Variants in GALNT13 observed in about 807,000 individuals in gnomAD.
GALNT13 encodes the protein UDP-GalNAc:polypeptide N-acetylgalactosaminyltransferase 13.
A neutral mutation model predicts 64.2 loss-of-function variants in GALNT13; 28 were observed. The observed-to-expected ratio is 0.44, with a 90% CI of 0.32 to 0.60. The LOEUF (loss-of-function observed/expected upper bound fraction) is 0.60, where lower values mean the gene tolerates loss of function less well. Ranked by LOEUF, GALNT13 falls within the 20% of genes least tolerant of loss-of-function variation. The pLI, the probability that GALNT13 is intolerant of heterozygous loss-of-function variation, is 0.05. For missense variants in GALNT13, 577 were observed against 669.8 expected, an observed-to-expected ratio of 0.86 and a Z score of 1.53; for synonymous variants, 214 against 224.6, an observed-to-expected ratio of 0.95 and a Z score of 0.42.
chr2:154,242,769 G>A lies in GALNT13; in HGVS notation c.550G>A (p.Glu184Lys), dbSNP rs1689564375. 1.2e-6 allele frequency: 2 copies of A among 1,614,002 alleles called. No homozygotes were observed. The highest frequency in any genetic ancestry group is 4.5e-5 in the East Asian group (2 of 44,862). ...GCCAGTAAAAATTATTAGGATGGAA[G>A]AACGCTCTGGGTTAATACGTGCCCG... ...EVPVKIIRME[E>K]RSGLIRARLR... is the part of the protein sequence containing the mutation. The change falls in exon 6 of 13, where the codon GAA becomes AAA. Residue 184 changes from glutamate (E) to lysine (K), a missense_variant. Glu to Lys is a moderately conservative substitution (Grantham distance 56). This residue lies in a region of GALNT13 where 341 missense variants were observed against 379.3 expected (regional missense o/e 0.90). Transcript: ENST00000392825.
At chr2:154,446,368 T>G (rs1413898265) in intron 12 of GALNT13, 1 of 390,802 alleles carries the variant, frequency 2.6e-6, no homozygotes, top group Non-Finnish European at 4.5e-6. Context: ...TTCTCAGTCT[T>G]ATCTTCATTT....
the GALNT13 span, among the ~76,000 whole-genome samples, chr2:153,821,054 A>G: frequency 2.0e-5 from 3 of 152,142 alleles, no homozygotes; most frequent in African/African-American, 4.8e-5. Context: ...ACTATCCTAA[A>G]TTATATGAAC....
the GALNT13 span, among the ~76,000 whole-genome samples, chr2:153,612,330 A>G: frequency 2.0e-5 from 3 of 152,130 alleles, no homozygotes; most frequent in South Asian, 2.1e-4. Context: ...CAGAAATCCC[A>G]TTACTGGGTA....
intron 9 of GALNT13, among the ~76,000 whole-genome samples, chr2:154,335,573 C>T (rs895617425): frequency 5.9e-5 from 9 of 151,976 alleles, no homozygotes; most frequent in Non-Finnish European, 8.8e-5. Context: ...ACAATAGACT[C>T]CTGGGACCCT....
chr2:153,118,818 A>G, the GALNT13 span, among the ~76,000 whole-genome samples: 1 of 152,136 alleles, frequency 6.6e-6, no homozygotes, highest in African/African-American at 2.4e-5. Context: ...TATAGGTGAG[A>G]AGACATTGAA....
the GALNT13 span, among the ~76,000 whole-genome samples, chr2:153,351,066 A>T: frequency 0.039 from 5,980 of 152,216 alleles, 378 homozygotes; most frequent in African/African-American, 0.14. Flanking sequence ...AATTTCCCAG[A>T]AAAACTAAGT....
At chr2:153,137,429 T>C in the GALNT13 span, among the ~76,000 whole-genome samples, 7 of 152,046 alleles carry the variant, frequency 4.6e-5, no homozygotes, top group Non-Finnish European at 1.0e-4. Flanking sequence ...TCCAGGTCTG[T>C]CCTCAAGTGA....
chr2:154,234,789 A>T (rs1689104025), intron 4 of GALNT13, among the ~76,000 whole-genome samples: 1 of 152,118 alleles, frequency 6.6e-6, no homozygotes, highest in Non-Finnish European at 1.5e-5. Flanking sequence ...CCTTATTAAC[A>T]ATATTTTTGT....
At chr2:153,906,826 C>G (rs1254295327) in intron 2 of GALNT13, among the ~76,000 whole-genome samples, 5 of 151,984 alleles carry the variant, frequency 3.3e-5, no homozygotes, top group Non-Finnish European at 7.4e-5. Flanking sequence ...GCCACACTGA[C>G]TTCCACAATG....
the GALNT13 span, among the ~76,000 whole-genome samples, chr2:153,518,264 A>T: frequency 1.3e-5 from 2 of 152,126 alleles, no homozygotes; most frequent in Non-Finnish European, 2.9e-5. Flanking sequence ...AGCCCTTATC[A>T]TAATGAAAGT....
At chr2:153,805,698 T>C in the GALNT13 span, among the ~76,000 whole-genome samples, 6 of 152,072 alleles carry the variant, frequency 3.9e-5, no homozygotes, top group Non-Finnish European at 8.8e-5. Flanking sequence ...TTTTGAGAGT[T>C]CTCAGTGGAT....
chr2:153,597,304 AG>A, the GALNT13 span, among the ~76,000 whole-genome samples: 1 of 152,158 alleles, frequency 6.6e-6, no homozygotes, highest in East Asian at 1.9e-4. Context: ...AGATCACACA[AG>A]CATGAAGCTG....
chr2:153,941,414 G>A (rs1033624169), intron 2 of GALNT13, among the ~76,000 whole-genome samples: 4 of 152,284 alleles, frequency 2.6e-5, no homozygotes, highest in African/African-American at 4.8e-5. Context: ...TTAGGAAAAG[G>A]GTAATAGTAT....
At chr2:154,069,971 T>C (rs1700660662) in intron 3 of GALNT13, among the ~76,000 whole-genome samples, 1 of 152,152 alleles carries the variant, frequency 6.6e-6, no homozygotes. Flanking sequence ...AAAGTTTTAT[T>C]AGAATGCACT....
chr2:153,959,838 T>C (rs892645798), intron 3 of GALNT13, among the ~76,000 whole-genome samples: 2 of 152,038 alleles, frequency 1.3e-5, no homozygotes, highest in Non-Finnish European at 2.9e-5. Flanking sequence ...CCCCCACCAA[T>C]GGACTTTACT....
intron 3 of GALNT13, among the ~76,000 whole-genome samples, chr2:153,963,530 A>G (rs759235014): frequency 1.3e-5 from 2 of 152,158 alleles, no homozygotes; most frequent in African/African-American, 2.4e-5. Flanking sequence ...ACTATTTTCT[A>G]TTCCCATCAG....
chr2:153,780,211 G>A, the GALNT13 span, among the ~76,000 whole-genome samples: 1 of 111,978 alleles, frequency 8.9e-6, no homozygotes, highest in Non-Finnish European at 1.8e-5. Context: ...GAAAGAATTT[G>A]AAGATATATA....
intron 9 of GALNT13, among the ~76,000 whole-genome samples, chr2:154,391,704 G>A (rs1161085451): frequency 1.3e-5 from 2 of 152,082 alleles, no homozygotes; most frequent in African/African-American, 4.8e-5. Context: ...ACCTTTTCCA[G>A]GCATTATTTA....
the GALNT13 span, among the ~76,000 whole-genome samples, chr2:153,737,788 A>AAAT: frequency 5.3e-5 from 8 of 152,026 alleles, no homozygotes; most frequent in African/African-American, 1.7e-4. Flanking sequence ...CTCACCTGTA[A>AAAT]AATAATTATA....
Sources: gnomAD v4.1 joint callset for allele counts (sites outside exome capture counted in the v4.1 genomes callset) on GRCh38, gnomAD v4.1.1 for gene constraint, gnomAD v4.1.1 regional missense constraint, MANE v1.5 for transcripts, NCBI Gene and HGNC (gene_info 2026-07-23, HGNC 2026-07-21) for gene names.